The following LYPLAL1 variants were observed in gnomAD, a reference collection of about 807,000 sequenced individuals.
LYPLAL1 encodes lysophospholipase like 1.
LYPLAL1 carries 23 observed loss-of-function variants against 19.7 expected under a neutral mutation model. The ratio of observed to expected loss-of-function variants is 1.17; its 90% confidence interval spans 0.84 to 1.65. The LOEUF is 1.65. LYPLAL1 is among the 40% of genes most tolerant of loss of function. The probability of loss-of-function intolerance (pLI) is 0.00; values close to 1 mark genes in which losing one functional copy is unlikely to be tolerated. For missense variants in LYPLAL1, 355 were observed against 279.4 expected (o/e 1.27, Z -1.93); for synonymous variants, 119 against 96.3 (o/e 1.24, Z -1.38).
chr1:219,249,300 A>G, the LYPLAL1 span, among the ~76,000 whole-genome samples: 4 of 152,076 alleles, frequency 2.6e-5, no homozygotes, highest in African/African-American at 9.7e-5. Context: ...GGCCTTTGTA[A>G]AAATGGGATC....
intron 3 of LYPLAL1, among the ~76,000 whole-genome samples, chr1:219,193,882 G>A (rs1002741303): frequency 4.6e-5 from 7 of 151,800 alleles, no homozygotes; most frequent in Admixed American, 3.9e-4. Context: ...TTTGGTGAAA[G>A]GGTTTTATTT....
At chr1:219,228,239 C>A in the LYPLAL1 span, among the ~76,000 whole-genome samples, 1 of 152,170 alleles carries the variant, frequency 6.6e-6, no homozygotes, top group Non-Finnish European at 1.5e-5. Context: ...AAACCAATCA[C>A]TGATGAGAGA....
the LYPLAL1 span, among the ~76,000 whole-genome samples, chr1:219,317,073 A>T: frequency 2.6e-5 from 4 of 152,224 alleles, no homozygotes; most frequent in Admixed American, 6.5e-5. Flanking sequence ...ACCATAATTT[A>T]AAAAATTGGA....
At position 219,193,241 on chromosome 1, in the gene LYPLAL1, G is replaced by A. The variant is rs751258228; in HGVS notation, c.351G>A (p.Arg117=). 6.2e-7 allele frequency: 1 copy of A among 1,608,384 alleles called. No homozygotes were observed. Among genetic ancestry groups the A allele is most frequent in the Non-Finnish European group, 8.5e-7 (1 of 1,176,554 alleles). The stretch of plus-strand genomic sequence containing the variant: ...TAAAAAGTGGCATCAAGAAGAACAG[G>A]ATATTAATAGGTAAGACCTTTAAAT... ...EEVKSGIKKN[R]ILIGGFSMGG... Residue 117 remains arginine (R), a synonymous_variant, in exon 3 of 5, where the codon AGG becomes AGA. Coordinates refer to ENST00000366928, the MANE Select transcript of LYPLAL1 (RefSeq NM_138794.5).
chr1:219,196,431 C>G (rs995771872), intron 3 of LYPLAL1, among the ~76,000 whole-genome samples: 3 of 152,116 alleles, frequency 2.0e-5, no homozygotes, highest in Admixed American at 1.3e-4. Context: ...ATTTGCAGCT[C>G]TCTAATGATA....
the LYPLAL1 span, chr1:219,411,960 G>A: frequency 2.6e-5 from 4 of 154,876 alleles, no homozygotes; most frequent in Non-Finnish European, 5.7e-5. Flanking sequence ...TTTGGAGGAT[G>A]ACATTTAGAA....
intron 2 of LYPLAL1, among the ~76,000 whole-genome samples, chr1:219,191,372 G>A (rs555214511): frequency 2.6e-5 from 4 of 151,652 alleles, no homozygotes; most frequent in African/African-American, 7.2e-5. Flanking sequence ...TTAGGGGAAT[G>A]GCTGATTAAA....
At chr1:219,406,534 T>C in the LYPLAL1 span, among the ~76,000 whole-genome samples, 37,552 of 152,108 alleles carry the variant, frequency 0.25, 5,480 homozygotes, top group East Asian at 0.53. Context: ...TTACAGTTTC[T>C]TTTTACTTAG....
the LYPLAL1 span, among the ~76,000 whole-genome samples, chr1:219,369,999 T>C: frequency 6.6e-6 from 1 of 152,066 alleles, no homozygotes; most frequent in Non-Finnish European, 1.5e-5. Context: ...TAAGGTAGAG[T>C]TGGAGCATAA....
the LYPLAL1 span, among the ~76,000 whole-genome samples, chr1:219,377,257 T>C: frequency 6.6e-6 from 1 of 152,226 alleles, no homozygotes; most frequent in Admixed American, 6.5e-5. Flanking sequence ...ACTGTATGGT[T>C]TCACTTATAC....
the LYPLAL1 span, among the ~76,000 whole-genome samples, chr1:219,396,451 G>A: frequency 6.6e-6 from 1 of 152,100 alleles, no homozygotes; most frequent in African/African-American, 2.4e-5. Context: ...TTTAAAACAG[G>A]TTTTTCTAGT....
the LYPLAL1 span, among the ~76,000 whole-genome samples, chr1:219,395,015 A>ACCCTACC: frequency 2.6e-5 from 4 of 151,950 alleles, no homozygotes; most frequent in Non-Finnish European, 5.9e-5. Context: ...TTCTTCATCT[A>ACCCTACC]CTCTACCACT....
At chr1:219,305,733 C>T in the LYPLAL1 span, among the ~76,000 whole-genome samples, 1 of 152,124 alleles carries the variant, frequency 6.6e-6, no homozygotes, top group African/African-American at 2.4e-5. Context: ...GTACCAGGTG[C>T]TGTGAGAATA....
chr1:219,220,653 A>G, the LYPLAL1 span, among the ~76,000 whole-genome samples: 1 of 152,214 alleles, frequency 6.6e-6, no homozygotes, highest in Non-Finnish European at 1.5e-5. Flanking sequence ...CGGAAGGTAC[A>G]GCCAGACATG....
At chr1:219,203,077 G>T (rs1384486941) in intron 3 of LYPLAL1, among the ~76,000 whole-genome samples, 1 of 70,740 alleles carries the variant, frequency 1.4e-5, no homozygotes, top group Admixed American at 2.0e-4. Context: ...AGGTTCAAAA[G>T]TTGTTAACCT....
chr1:219,425,506 G>A, the LYPLAL1 span, among the ~76,000 whole-genome samples: 1 of 152,154 alleles, frequency 6.6e-6, no homozygotes. Context: ...ATTTTTCTGT[G>A]TGATTGTTAG....
At chr1:219,246,275 C>G in the LYPLAL1 span, among the ~76,000 whole-genome samples, 1 of 152,070 alleles carries the variant, frequency 6.6e-6, no homozygotes, top group African/African-American at 2.4e-5. Context: ...ATCTTATTCT[C>G]TAGTGATACT....
the LYPLAL1 span, among the ~76,000 whole-genome samples, chr1:219,300,052 A>T: frequency 6.6e-6 from 1 of 151,928 alleles, no homozygotes; most frequent in African/African-American, 2.4e-5. Context: ...AATCACAGCT[A>T]ACTGCACCCA....
At chr1:219,374,173 G>A in the LYPLAL1 span, among the ~76,000 whole-genome samples, 1 of 149,218 alleles carries the variant, frequency 6.7e-6, no homozygotes, top group Non-Finnish European at 1.5e-5. Flanking sequence ...TATGGATATT[G>A]GATTTTTCTT....
Sources: gnomAD v4.1 joint callset for allele counts (sites outside exome capture counted in the v4.1 genomes callset) on GRCh38, gnomAD v4.1.1 for gene constraint, MANE v1.5 for transcripts, NCBI Gene and HGNC (gene_info 2026-07-23, HGNC 2026-07-21) for gene names.